Variants in GMPS observed in about 807,000 individuals in gnomAD.
The protein encoded by GMPS is guanosine monophosphate synthase, also known as GMP synthase [glutamine-hydrolyzing].
A neutral mutation model predicts 77.9 loss-of-function variants in GMPS; 15 were observed. The ratio of observed to expected loss-of-function variants is 0.19; its 90% CI spans 0.13 to 0.30. GMPS has a LOEUF of 0.30. Ranked by LOEUF, GMPS falls within the 10% of genes least tolerant of loss-of-function variation. GMPS has a pLI of 1.00. For missense variants in GMPS, 590 were observed against 838.8 expected (o/e 0.70, Z 3.66); for synonymous variants, 224 against 275.9 (o/e 0.81, Z 1.86).
chr3:155,897,544 C>T (rs1754631775), intron 2 of GMPS, among the ~76,000 whole-genome samples: 1 of 152,162 alleles, frequency 6.6e-6, no homozygotes, highest in Non-Finnish European at 1.5e-5. Flanking sequence ...GTTCTTTGAC[C>T]TGCTAGGCTC....
chr3:155,935,065 T>C lies in GMPS; in HGVS notation c.1807+19T>C. 2 of 1,583,670 alleles carry C rather than the reference T, an allele frequency of 1.3e-6. No individual in the cohort carries two copies. Among genetic ancestry groups the C allele is most frequent in the Non-Finnish European group, 1.7e-6 (2 of 1,152,428 alleles). Reference sequence around the variant, plus strand: ...GAGTCTGGTAAGTTGCTCATGTTTTTGATTACTACCCTCTGAAACTAGTTT... The same window carrying C: ...GAGTCTGGTAAGTTGCTCATGTTTTCGATTACTACCCTCTGAAACTAGTTT... On this transcript the variant is annotated intron_variant, in intron 14 of 15. Coordinates refer to ENST00000496455, the MANE Select transcript of GMPS (RefSeq NM_003875.3).
At chr3:155,913,099 T>C (rs903340045) in intron 7 of GMPS, among the ~76,000 whole-genome samples, 2 of 152,204 alleles carry the variant, frequency 1.3e-5, no homozygotes, top group African/African-American at 4.8e-5. Context: ...TTCTCTATGC[T>C]GAATGGTGAT....
chr3:155,921,641 A>T lies in GMPS; in HGVS notation c.1319-546A>T, dbSNP rs539560571. 2.0e-5 allele frequency among the ~76,000 whole-genome samples: 3 copies of T among 152,244 alleles called. No homozygotes were observed. The South Asian group carries it at 6.2e-4, about 32-fold the overall frequency. On this transcript the variant is annotated intron_variant, in intron 10 of 15. Transcript: ENST00000496455. ...GTGAAACCCCTATCTTTACTGAAAA[A>T]ATTAGCCAGGCATGGCTGCCGGTGC... is the stretch of plus-strand genomic sequence containing the variant.
intron 1 of GMPS, among the ~76,000 whole-genome samples, chr3:155,885,478 C>G (rs1754314938): frequency 6.6e-6 from 1 of 152,048 alleles, no homozygotes; most frequent in Non-Finnish European, 1.5e-5. Flanking sequence ...TTTATATGAC[C>G]AAATGTAGAT....
At chr3:155,901,476 C>G (rs111325927) in intron 3 of GMPS, among the ~76,000 whole-genome samples, 2 of 151,756 alleles carry the variant, frequency 1.3e-5, no homozygotes, top group African/African-American at 4.8e-5. Context: ...TACTTGTTTT[C>G]TGGTGTTATA....
intron 1 of GMPS, among the ~76,000 whole-genome samples, chr3:155,876,934 T>C (rs1278467714): frequency 6.6e-6 from 1 of 152,188 alleles, no homozygotes; most frequent in Non-Finnish European, 1.5e-5. Flanking sequence ...GCAAGGGATG[T>C]TTCCCAAACC....
At chr3:155,917,165 G>T (rs1488551604) in intron 9 of GMPS, among the ~76,000 whole-genome samples, 1 of 151,994 alleles carries the variant, frequency 6.6e-6, no homozygotes, top group South Asian at 2.1e-4. Flanking sequence ...TAGAGATGGG[G>T]TTTCACTATG....
chr3:155,891,819 T>C (rs1015136099), intron 1 of GMPS, among the ~76,000 whole-genome samples: 1 of 152,080 alleles, frequency 6.6e-6, no homozygotes, highest in African/African-American at 2.4e-5. Context: ...TTGGTCAGGC[T>C]GGTCTTGAAC....
chr3:155,900,347 T>C (rs1754707013), intron 3 of GMPS, among the ~76,000 whole-genome samples: 2 of 151,850 alleles, frequency 1.3e-5, no homozygotes, highest in Admixed American at 1.3e-4. Context: ...CCTGATTGAG[T>C]TGAATATTGG....
Position 155,933,181 on chromosome 3 carries a change from G to A in GMPS, c.1676+1301G>A, listed in dbSNP as rs182923757. Among the ~76,000 whole-genome samples the A allele has an allele frequency of 1.2e-3, 182 of 152,052 alleles. 1 individual carries two copies. Among genetic ancestry groups the A allele is most frequent in the African/African-American group, 4.2e-3 (175 of 41,446 alleles). On this transcript the variant is annotated intron_variant, in intron 13 of 15. Coordinates refer to ENST00000496455, the MANE Select transcript of GMPS (RefSeq NM_003875.3). ...CACTCAAGCCTGGGCGACAGAGCGA[G>A]ACTTCATCTCAAAAAAAGGAAAAAG...
chr3:155,942,817 GCAT>G lies in GMPS; in HGVS notation c.*5128_*5130del, dbSNP rs1300826819. ...TCATGAAACAGACTGAGCTATTATT[GCAT>G]CAACACATAAATCCTGTCATTTGGG... On this transcript the variant is annotated 3_prime_UTR_variant, in exon 16 of 16. Transcript: ENST00000496455. 4.6e-5 allele frequency: 10 copies of G among 218,034 alleles called. No homozygotes were observed. The highest frequency in any genetic ancestry group is 1.3e-4 in the African/African-American group (6 of 44,464). 13.5% of individuals were successfully genotyped at this position (218,034 alleles called of 1,614,324 possible).
In GMPS at chr3:155,931,775, G is replaced by A. The variant is rs765012607; in HGVS notation, c.1571G>A (p.Arg524His). 2.7e-6 allele frequency: 4 copies of A among 1,455,278 alleles called. No individual in the cohort carries two copies. The highest frequency in any genetic ancestry group is 1.7e-5 in the Admixed American group (1 of 58,816). 90.1% of individuals were successfully genotyped at this position (1,455,278 alleles called of 1,614,324 possible). The change falls in exon 13 of 16, where the codon CGT becomes CAT. Residue 524 changes from arginine (R) to histidine (H), a missense_variant. Physicochemically the swap from Arg to His is conservative, Grantham distance 29. Transcript: ENST00000496455. ...TCTTTTTATTTTCAGGGTGACTGTC[G>A]TTCCTACAGTTACGTGTGTGGAATC... ...IKTVGVQGDCRSYSYVCGISS... is the reference protein window; with the variant it reads ...IKTVGVQGDCHSYSYVCGISS...
intron 12 of GMPS, among the ~76,000 whole-genome samples, chr3:155,928,174 A>G (rs1305452871): frequency 6.6e-6 from 1 of 151,568 alleles, no homozygotes; most frequent in Non-Finnish European, 1.5e-5. Flanking sequence ...TTACAGGCAC[A>G]CGCCGCCATA....
At position 155,914,471 on chromosome 3, in the gene GMPS, A is replaced by T. The variant is rs755968699; in HGVS notation, c.939A>T (p.Ser313=). 2 of 1,600,962 alleles carry T rather than the reference A, an allele frequency of 1.2e-6. No individual in the cohort carries two copies. Among genetic ancestry groups the T allele is most frequent in the Non-Finnish European group, 8.5e-7 (1 of 1,174,680 alleles). The change falls in exon 8 of 16, where the codon TCA becomes TCT. Residue 313 remains serine (S), a synonymous_variant. Coordinates refer to ENST00000496455, the MANE Select transcript of GMPS (RefSeq NM_003875.3). ...FYNGTTTLPI[S]DEDRTPRKRI... ...ATGGAACAACAACCCTACCAATATC[A>T]GATGAAGATAGAACCCCACGGAAAA...
intron 12 of GMPS, among the ~76,000 whole-genome samples, chr3:155,927,693 TA>T (rs35140614): frequency 1.3e-5 from 2 of 152,192 alleles, no homozygotes; most frequent in African/African-American, 2.4e-5. Flanking sequence ...GAAAATACAT[TA>T]AAAAAAATTC....
intron 5 of GMPS, among the ~76,000 whole-genome samples, chr3:155,907,987 C>T (rs62286847): frequency 0.054 from 8,287 of 152,194 alleles, 316 homozygotes; most frequent in East Asian, 0.18. Context: ...TGCCAGAACA[C>T]AGGACCTTTG....
rs1020360222 is a variant in GMPS, at chr3:155,939,609, T to A, written c.*1917T>A. ...AAACAATTGTTAAATTCTGCTTAAA[T>A]TAGTGTTTTCCTGATATTTGTTTTT... On this transcript the variant is annotated 3_prime_UTR_variant, in exon 16 of 16. Transcript: ENST00000496455. 106 of 197,398 alleles carry A rather than the reference T, an allele frequency of 5.4e-4. 3 individuals carry two copies. The East Asian group carries it at 8.4e-3, about 16-fold the overall frequency. The allele number at this position is 197,398 out of a possible 1,614,324, so 12.2% of individuals were successfully genotyped here. A position where few individuals can be genotyped will look rare whatever the true frequency, so the allele number is the denominator to read the frequency against.
At chr3:155,882,076 T>A (rs1202763570) in intron 1 of GMPS, among the ~76,000 whole-genome samples, 6 of 151,816 alleles carry the variant, frequency 4.0e-5, no homozygotes, top group Non-Finnish European at 8.8e-5. Flanking sequence ...TGAAAAAAAA[T>A]AAAAATAAAT....
At chr3:155,925,905 G>A (rs1002268717) in intron 12 of GMPS, among the ~76,000 whole-genome samples, 3 of 152,162 alleles carry the variant, frequency 2.0e-5, no homozygotes, top group Admixed American at 2.0e-4. Flanking sequence ...TACTGATGTT[G>A]TGTTTATTCT....
Sources: gnomAD v4.1 joint callset for allele counts (sites outside exome capture counted in the v4.1 genomes callset) on GRCh38, gnomAD v4.1.1 for gene constraint, MANE v1.5 for transcripts, NCBI Gene and HGNC (gene_info 2026-07-23, HGNC 2026-07-21) for gene names.